The following SETDB1 variants were observed in gnomAD, a reference collection of about 807,000 sequenced individuals.
SETDB1 encodes histone-lysine N-methyltransferase SETDB1.
In SETDB1, 31 loss-of-function variants were observed where a neutral mutation model predicts 137.4. The ratio of observed to expected loss-of-function variants is 0.23; its 90% confidence interval spans 0.17 to 0.30. The LOEUF is 0.30. Ranked by LOEUF, SETDB1 falls within the 10% of genes least tolerant of loss-of-function variation. The pLI is 1.00. For synonymous variants in SETDB1, 548 were observed against 579.9 expected, an observed-to-expected ratio of 0.95 and a Z score of 0.79; for missense variants, 1,113 against 1,631.5, an observed-to-expected ratio of 0.68 and a Z score of 5.47.
intron 1 of SETDB1, among the ~76,000 whole-genome samples, chr1:150,927,187 C>T (rs1006032437): frequency 3.9e-5 from 6 of 152,158 alleles, no homozygotes; most frequent in African/African-American, 9.7e-5. Flanking sequence ...GAATGCATGG[C>T]GCGAACATAG....
At chr1:150,960,188 C>T (rs1236640588) in intron 15 of SETDB1, among the ~76,000 whole-genome samples, 1 of 151,728 alleles carries the variant, frequency 6.6e-6, no homozygotes, top group Non-Finnish European at 1.5e-5. Flanking sequence ...TAATAGGTCC[C>T]CGTGGCCGGG....
chr1:150,964,566 A>G lies in SETDB1; in HGVS notation c.*202A>G, dbSNP rs1255291626. 9 of 700,782 alleles carry G rather than the reference A, an allele frequency of 1.3e-5. No homozygotes were observed. In the Admixed American group the frequency reaches 1.6e-4, roughly 12 times the overall value. 43.4% of individuals were successfully genotyped at this position (700,782 alleles called of 1,614,324 possible). A position where few individuals can be genotyped will look rare whatever the true frequency, so the allele number is the denominator to read the frequency against. ...TCCCTTCTCCACCTCCAAAGGCCCT[A>G]AAGGGTGGGGAGAGATCACCACTCT... On this transcript the variant is annotated 3_prime_UTR_variant, in exon 22 of 22. Transcript: ENST00000692827.
intron 3 of SETDB1, among the ~76,000 whole-genome samples, chr1:150,933,778 T>C (rs1163352673): frequency 1.0e-5 from 1 of 100,082 alleles, no homozygotes; most frequent in African/African-American, 3.7e-5. Flanking sequence ...TTTTTCTTTT[T>C]CTTTTTTTTT....
At chr1:150,943,879 C>T (rs768263322) in intron 7 of SETDB1, 41 bp from the exon 8 acceptor site, 1 of 1,236,344 alleles carries the variant, frequency 8.1e-7, no homozygotes, top group South Asian at 1.2e-5. Context: ...TGTTAAATAT[C>T]ATAACCCCCA....
At chr1:150,945,284 CATT>C (rs1571643178) in intron 9 of SETDB1, 176 bp downstream of exon 9, 3 of 1,448,136 alleles carry the variant, frequency 2.1e-6, no homozygotes, top group African/African-American at 2.9e-5. Flanking sequence ...CTCTGCAGGT[CATT>C]GTTGAAAATA....
rs770385249 is a variant in SETDB1 at position 150,942,997 on chromosome 1, G to A, written c.819G>A (p.Gln273=). The part of the protein sequence containing the change: ...RVVAKYKDGN[Q]VWLYAGIVAE... ...TCGCCAAATACAAAGATGGGAATCAGGTCTGGCTCTATGCTGGCATTGTAG... is the reference window on the plus strand; with the variant it reads ...TCGCCAAATACAAAGATGGGAATCAAGTCTGGCTCTATGCTGGCATTGTAG... The change falls in exon 7 of 22, where the codon CAG becomes CAA. Residue 273 remains glutamine, a synonymous_variant. Transcript: ENST00000692827. 2 of 1,614,156 alleles carry A rather than the reference G, an allele frequency of 1.2e-6. No homozygotes were observed. Among genetic ancestry groups the A allele is most frequent in the Non-Finnish European group, 1.7e-6 (2 of 1,180,006 alleles).
intron 14 of SETDB1, among the ~76,000 whole-genome samples, chr1:150,955,708 A>G (rs371361376): frequency 3.3e-5 from 5 of 152,134 alleles, no homozygotes; most frequent in East Asian, 1.9e-4. Flanking sequence ...TTTCTATTAT[A>G]TAAGCTCCTT....
At chr1:150,931,312 G>A (rs1320709263) in intron 3 of SETDB1, among the ~76,000 whole-genome samples, 2 of 141,000 alleles carry the variant, frequency 1.4e-5, no homozygotes, top group Non-Finnish European at 3.0e-5. Flanking sequence ...CTGGCCAGGC[G>A]TGGTGGCTCA....
chr1:150,960,560 C>T lies in SETDB1; in HGVS notation c.2504-3C>T, dbSNP rs1445254918. 6.2e-7 allele frequency: 1 copy of T among 1,604,676 alleles called. No individual in the cohort carries two copies. Among genetic ancestry groups the T allele is most frequent in the Non-Finnish European group, 8.5e-7 (1 of 1,175,458 alleles). On this transcript the variant is annotated splice_polypyrimidine_tract_variant and splice_region_variant and intron_variant, in intron 15 of 21. Transcript: ENST00000692827. ...GAAGGCCTTTAATTCTCTTCATTCT[C>T]AGGCAAAATCCTGACAGATGACTTT...
intron 3 of SETDB1, among the ~76,000 whole-genome samples, chr1:150,932,438 G>T (rs1294427372): frequency 1.3e-4 from 19 of 151,950 alleles, no homozygotes; most frequent in Admixed American, 7.9e-4. Flanking sequence ...AGGCCATTTA[G>T]GCTTGGACTT....
At chr1:150,952,506 G>C (rs1022323618) in intron 14 of SETDB1, among the ~76,000 whole-genome samples, 12 of 152,190 alleles carry the variant, frequency 7.9e-5, no homozygotes, top group African/African-American at 2.9e-4. Flanking sequence ...CTTAGTGGTT[G>C]TTGGTGCTTT....
Position 150,943,987 on chromosome 1 carries a change from C to T in SETDB1, c.943C>T (p.Arg315Trp), listed in dbSNP as rs756182108. The T allele has an allele frequency of 8.1e-6, 13 of 1,608,988 alleles. No individual in the cohort carries two copies. The highest frequency in any genetic ancestry group is 1.7e-5 in the Admixed American group (1 of 59,970). ...VTQSELYPIC[R>W]PLKKTWEDIE... ...ACAGTCGGAACTGTATCCCATTTGC[C>T]GGCCACGTGAGTGTTTCTCCCTTAT... is the stretch of plus-strand genomic sequence containing the variant. The change falls in exon 8 of 22, where the codon CGG (arginine) becomes TGG (tryptophan). Residue 315 changes from arginine (R) to tryptophan (W), a missense_variant. Coordinates refer to ENST00000692827, the MANE Select transcript of SETDB1 (RefSeq NM_001366418.1).
chr1:150,962,049 TGGA>T, intron 16 of SETDB1, 78 bp from the exon 17 acceptor site: 1 of 1,515,766 alleles, frequency 6.6e-7, no homozygotes, highest in Non-Finnish European at 9.2e-7. Context: ...ATGTTATCTG[TGGA>T]GGTCATTTGA....
chr1:150,951,646 AT>A (rs984294945), intron 14 of SETDB1, among the ~76,000 whole-genome samples, 165 bp downstream of exon 14: 2 of 152,032 alleles, frequency 1.3e-5, no homozygotes, highest in East Asian at 1.9e-4. Context: ...TCCAAAACAC[AT>A]TTTTTTTCTT....
chr1:150,934,289 G>A (rs888850261), intron 3 of SETDB1, among the ~76,000 whole-genome samples: 2 of 152,050 alleles, frequency 1.3e-5, no homozygotes, highest in Admixed American at 6.6e-5. Context: ...CGGCTAACAC[G>A]GTGAAACCCC....
At chr1:150,955,297 T>C (rs1270817575) in intron 14 of SETDB1, among the ~76,000 whole-genome samples, 1 of 152,230 alleles carries the variant, frequency 6.6e-6, no homozygotes, top group African/African-American at 2.4e-5. Flanking sequence ...ACAAATAATA[T>C]ATCACTCCCC....
chr1:150,962,025 C>A, intron 16 of SETDB1, 105 bp from the exon 17 acceptor site: 1 of 1,333,248 alleles, frequency 7.5e-7, no homozygotes, highest in Non-Finnish European at 1.1e-6. Flanking sequence ...AGAATGTGTA[C>A]CTGTCACTGG....
rs1243654506 is a variant in SETDB1, at chr1:150,950,641, T to C, written c.1767T>C (p.Pro589=). The C allele has an allele frequency of 6.2e-7, 1 of 1,614,150 alleles. No homozygotes were observed. The highest frequency in any genetic ancestry group is 1.7e-5 in the Admixed American group (1 of 60,024). The change falls in exon 13 of 22, where the codon CCT becomes CCC. Residue 589 remains proline (P), a synonymous_variant. Coordinates refer to ENST00000692827, the MANE Select transcript of SETDB1 (RefSeq NM_001366418.1). ...ATACCTGTCTGTCTCGAGTCAGACC[T>C]ATGAGGAATGAGCAGTACCGGGGCA... ...CSYTCLSRVR[P]MRNEQYRGKN... is the part of the protein sequence containing the mutation.
chr1:150,930,134 T>C lies in SETDB1; in HGVS notation c.412+16T>C. The C allele has an allele frequency of 6.2e-7, 1 of 1,605,670 alleles. No individual in the cohort carries two copies. The highest frequency in any genetic ancestry group is 8.5e-7 in the Non-Finnish European group (1 of 1,174,850). ...ATTGATTCAGGTAAGGGATGAGCTT[T>C]GGATAGGAGAGTCTCAGGACTGAAG... On this transcript the variant is annotated intron_variant, in intron 3 of 21. Transcript: ENST00000692827.
Sources: gnomAD v4.1 joint callset for allele counts (sites outside exome capture counted in the v4.1 genomes callset) on GRCh38, gnomAD v4.1.1 for gene constraint, MANE v1.5 for transcripts, NCBI Gene and HGNC (gene_info 2026-07-23, HGNC 2026-07-21) for gene names.